The following UQCC1 variants were observed in gnomAD, a reference collection of about 807,000 sequenced individuals.
UQCC1 encodes the protein ubiquinol-cytochrome c reductase complex assembly factor 1, also known as bFGF-repressed Zic-binding protein.
UQCC1 carries 38 observed loss-of-function variants against 48.0 expected under a neutral mutation model. The ratio of observed to expected loss-of-function variants is 0.79; its 90% CI spans 0.61 to 1.04. The LOEUF is 1.04. Among genes scored for constraint, UQCC1 ranks in the 50% least tolerant of loss-of-function variants. The probability of loss-of-function intolerance (pLI) is 0.00; values close to 1 mark genes in which losing one functional copy is unlikely to be tolerated. For synonymous variants in UQCC1, 111 were observed against 129.2 expected, an observed-to-expected ratio of 0.86 and a Z score of 0.95; for missense variants, 368 against 381.8, an observed-to-expected ratio of 0.96 and a Z score of 0.30.
chr20:35,388,408 C>T (rs1247632727), intron 2 of UQCC1, among the ~76,000 whole-genome samples: 1 of 150,564 alleles, frequency 6.6e-6, no homozygotes, highest in African/African-American at 2.4e-5. Flanking sequence ...CCTCCTGCCT[C>T]AGCCTCCTGA....
At chr20:35,372,600 G>A (rs921498659) in intron 5 of UQCC1, among the ~76,000 whole-genome samples, 5 of 152,310 alleles carry the variant, frequency 3.3e-5, no homozygotes, top group South Asian at 4.1e-4. Flanking sequence ...CATGGCTCAC[G>A]CCTGTAATCC....
chr20:35,366,989 G>A (rs777924066), intron 5 of UQCC1, among the ~76,000 whole-genome samples: 1 of 150,890 alleles, frequency 6.6e-6, no homozygotes, highest in Non-Finnish European at 1.5e-5. Flanking sequence ...AGCTACTGAA[G>A]AGGCTGTGGC....
At chr20:35,321,283 T>TGTGTGTGTGTGCGC (rs1389196330) in intron 7 of UQCC1, among the ~76,000 whole-genome samples, 97 of 141,586 alleles carry the variant, frequency 6.9e-4, no homozygotes, top group African/African-American at 2.7e-3. Context: ...TGTGTGTGTG[T>TGTGTGTGTGTGCGC]GCGCGCGCGC....
At chr20:35,304,231 C>T (rs2060903129) in intron 9 of UQCC1, among the ~76,000 whole-genome samples, 162 bp from the exon 10 acceptor site, 1 of 152,146 alleles carries the variant, frequency 6.6e-6, no homozygotes, top group African/African-American at 2.4e-5. Context: ...CAGGCCAAGC[C>T]GTCTCTGATC....
At chr20:35,409,526 C>CT (rs1183846879) in intron 1 of UQCC1, 16 of 168,752 alleles carry the variant, frequency 9.5e-5, no homozygotes, top group South Asian at 5.5e-4. Flanking sequence ...TTTACCACAA[C>CT]TTTTTTTTAA....
At chr20:35,398,899 T>G (rs554848438) in intron 1 of UQCC1, among the ~76,000 whole-genome samples, 51 of 152,308 alleles carry the variant, frequency 3.3e-4, no homozygotes, top group African/African-American at 1.2e-3. Flanking sequence ...CTCCGGTTGG[T>G]CTTAGGCCAA....
intron 3 of UQCC1, among the ~76,000 whole-genome samples, chr20:35,382,333 T>C (rs1271201062): frequency 2.0e-5 from 3 of 151,338 alleles, no homozygotes; most frequent in Non-Finnish European, 2.9e-5. Context: ...AGAGGGGGGG[T>C]CCATAGCCTA....
intron 4 of UQCC1, among the ~76,000 whole-genome samples, chr20:35,378,766 T>C (rs1452672842): frequency 6.6e-6 from 1 of 152,248 alleles, no homozygotes; most frequent in Non-Finnish European, 1.5e-5. Flanking sequence ...AATGACCTTG[T>C]AAGGCTACCT....
intron 7 of UQCC1, among the ~76,000 whole-genome samples, chr20:35,319,447 C>T (rs1433933599): frequency 1.3e-5 from 2 of 152,128 alleles, no homozygotes; most frequent in Admixed American, 6.6e-5. Context: ...CATTTTTAAA[C>T]AAAGTCCATG....
chr20:35,388,302 T>TC (rs1389995916), intron 2 of UQCC1, among the ~76,000 whole-genome samples: 23 of 32,508 alleles, frequency 7.1e-4, no homozygotes, highest in East Asian at 5.8e-3. Flanking sequence ...TTTTTTTCTT[T>TC]TTTTTTGAGA....
intron 1 of UQCC1, among the ~76,000 whole-genome samples, chr20:35,397,522 A>AG (rs2062098910): frequency 6.6e-6 from 1 of 151,626 alleles, no homozygotes; most frequent in African/African-American, 2.4e-5. Flanking sequence ...TCAAAAAAAA[A>AG]AAAAAAGAAA....
chr20:35,307,106 C>G (rs1471176250), intron 8 of UQCC1: 1 of 399,112 alleles, frequency 2.5e-6, no homozygotes, highest in Admixed American at 3.7e-5. Context: ...AGAAGAGAAA[C>G]AGTAGCAGCA....
At chr20:35,400,307 A>G (rs1355155612) in intron 1 of UQCC1, among the ~76,000 whole-genome samples, 1 of 151,976 alleles carries the variant, frequency 6.6e-6, no homozygotes, top group African/African-American at 2.4e-5. Flanking sequence ...CTCTCTCTTA[A>G]GGTACTAATA....
chr20:35,312,726 A>G (rs1170895832), intron 8 of UQCC1, among the ~76,000 whole-genome samples: 4 of 152,178 alleles, frequency 2.6e-5, no homozygotes, highest in African/African-American at 4.8e-5. Flanking sequence ...AATCTCCACA[A>G]TAAATGTTGG....
chr20:35,314,826 T>TATG (rs1555802090), intron 7 of UQCC1, 61 bp from the exon 8 acceptor site: 1 of 1,412,936 alleles, frequency 7.1e-7, no homozygotes, highest in Non-Finnish European at 9.8e-7. Context: ...ACCCAAAAAG[T>TATG]ATGATCTTTG....
chr20:35,403,154 T>G (rs539858791), intron 1 of UQCC1, among the ~76,000 whole-genome samples: 1 of 152,102 alleles, frequency 6.6e-6, no homozygotes, highest in South Asian at 2.1e-4. Flanking sequence ...ATTGATTACA[T>G]ACAGGAAAGA....
At chr20:35,406,317 G>A (rs1201073843) in intron 1 of UQCC1, among the ~76,000 whole-genome samples, 4 of 152,186 alleles carry the variant, frequency 2.6e-5, no homozygotes, top group Admixed American at 2.0e-4. Flanking sequence ...CACATCATAT[G>A]CAAGCTGCCA....
At chr20:35,319,325 A>C (rs2146319688) in intron 7 of UQCC1, among the ~76,000 whole-genome samples, 1 of 152,336 alleles carries the variant, frequency 6.6e-6, no homozygotes, top group Middle Eastern at 3.4e-3. Context: ...CTTTCCCAGC[A>C]TGTCACAGGG....
Position 35,402,811 on chromosome 20 carries a change from A to C in UQCC1, c.25-8615T>G, listed in dbSNP as rs544895327. 3.3e-5 allele frequency among the ~76,000 whole-genome samples: 5 copies of C among 150,986 alleles called. No homozygotes were observed. The East Asian group carries it at 7.9e-4, about 24-fold the overall frequency. On this transcript the variant is annotated intron_variant, in intron 1 of 9. Transcript: ENST00000374385. ...CCATCTCAAACAATAACAAAAAATT[A>C]CTCCAGTACTTTGGGAGGCCGAGGC... is the stretch of plus-strand genomic sequence containing the variant.
Sources: allele counts gnomAD v4.1 joint callset (sites outside exome capture counted in the v4.1 genomes callset), GRCh38; gene constraint gnomAD v4.1.1; transcripts MANE v1.5; gene names NCBI Gene and HGNC (gene_info 2026-07-23, HGNC 2026-07-21).